Variants in SLC25A28 observed in about 807,000 individuals in gnomAD.
The protein encoded by SLC25A28 is solute carrier family 25 member 28, also known as mitoferrin-2.
A neutral mutation model predicts 31.9 loss-of-function variants in SLC25A28; 10 were observed. The observed-to-expected ratio is 0.31, with a 90% CI of 0.19 to 0.53. SLC25A28 has a LOEUF of 0.53. SLC25A28 is among the 20% of genes least tolerant of loss of function. The pLI is 0.95. For synonymous variants in SLC25A28, 208 were observed against 203.6 expected, an observed-to-expected ratio of 1.02 and a Z score of -0.19; for missense variants, 256 against 490.3, an observed-to-expected ratio of 0.52 and a Z score of 4.51.
chr10:99,618,262 G>A (rs953582282), intron 1 of SLC25A28: 11 of 980,700 alleles, frequency 1.1e-5, no homozygotes, highest in East Asian at 1.1e-4. Flanking sequence ...ATAACCTCCC[G>A]TTCTGTTATA....
upstream of SLC25A28, chr10:99,621,662 C>G (rs1347023282): frequency 6.6e-6 from 1 of 152,382 alleles, no homozygotes; most frequent in East Asian, 1.9e-4. Context: ...TTGCCTTCCC[C>G]GAGCGTGTTG....
At chr10:99,637,336 T>C in the SLC25A28 span, among the ~76,000 whole-genome samples, 10 of 152,172 alleles carry the variant, frequency 6.6e-5, no homozygotes, top group African/African-American at 2.2e-4. Context: ...AACATTATAC[T>C]GAATGGGGAA....
the SLC25A28 span, among the ~76,000 whole-genome samples, chr10:99,633,583 G>A: frequency 5.3e-5 from 8 of 150,524 alleles, no homozygotes; most frequent in Admixed American, 5.3e-4. Context: ...TGTAATCACA[G>A]CTACTTGGGA....
Position 99,620,099 on chromosome 10 carries a change from G to A in SLC25A28, c.237C>T (p.Gly79=). Residue 79 remains glycine (G), a synonymous_variant, in exon 1 of 4, where the codon GGC becomes GGT. Transcript: ENST00000370495. ...GATVTTHMVA[G]AVAGILEHCV... is the part of the protein sequence containing the mutation. ...AGTGCTCCAGGATCCCTGCCACGGC[G>A]CCTGCCACCATGTGCGTGGTGACAG... 1 of 1,580,518 alleles carries A rather than the reference G, an allele frequency of 6.3e-7. No homozygotes were observed. The highest frequency in any genetic ancestry group is 8.5e-7 in the Non-Finnish European group (1 of 1,170,852).
chr10:99,620,383 TGCC>T lies in SLC25A28; in HGVS notation c.-51_-49del, dbSNP rs1353379432. 9.8e-6 allele frequency: 9 copies of T among 919,720 alleles called. No individual in the cohort carries two copies. The East Asian group carries it at 1.1e-3, about 110-fold the overall frequency. The allele number at this position is 919,720 out of a possible 1,614,324, so 57.0% of individuals were successfully genotyped here. ...CCACCCCCGCCGCCGCTGCCACCAC[TGCC>T]GCCGCCGCCCCCCGGCCCCGTAGTG... On this transcript the variant is annotated 5_prime_UTR_variant, in exon 1 of 4. Transcript: ENST00000370495.
At position 99,613,747 on chromosome 10, in the gene SLC25A28, T is replaced by G; in HGVS notation, c.469A>C (p.Lys157Gln). Reference protein sequence around the residue: ...LYFACYEKLKKTLSDVIHPGG... With the variant: ...LYFACYEKLKQTLSDVIHPGG... Reference sequence around the variant, plus strand: ...GGGTGGATTACATCACTCAATGTCTTTTTTAACTTTTCGTAGCAGGCAAAA... The same window carrying G: ...GGGTGGATTACATCACTCAATGTCTGTTTTAACTTTTCGTAGCAGGCAAAA... Residue 157 changes from lysine (K) to glutamine (Q), a missense_variant, in exon 2 of 4, where the codon AAG becomes CAG. Physicochemically the swap from Lys to Gln is moderately conservative, Grantham distance 53 (BLOSUM62 1). Around this residue, in one of 4 missense-constraint regions of SLC25A28, gnomAD observed 158 missense variants for 379.1 expected, o/e 0.42. Transcript: ENST00000370495. This position sits in a 1 kb window ranked among gnomAD's most constrained non-coding sequence, Gnocchi z 4.9. 1 of 1,614,240 alleles carries G rather than the reference T, an allele frequency of 6.2e-7. No homozygotes were observed. The highest frequency in any genetic ancestry group is 1.1e-5 in the South Asian group (1 of 91,084).
the SLC25A28 span, among the ~76,000 whole-genome samples, chr10:99,646,009 A>C: frequency 0.41 from 61,836 of 152,106 alleles, 12,832 homozygotes; most frequent in East Asian, 0.6. Flanking sequence ...CTTGGAGGTC[A>C]GGGACCCACT....
Position 99,611,437 on chromosome 10 carries a change from G to A in SLC25A28, c.578-71C>T, listed in dbSNP as rs1179481594. 1 of 1,564,594 alleles carries A rather than the reference G, an allele frequency of 6.4e-7. No homozygotes were observed. The highest frequency in any genetic ancestry group is 2.2e-5 in the East Asian group (1 of 44,456). ...CGGTGATGGAGAGTATCCAGATTCAGAGCCCCAAGTCAGCAGATCAGCCAA... is the reference window on the plus strand; with the variant it reads ...CGGTGATGGAGAGTATCCAGATTCAAAGCCCCAAGTCAGCAGATCAGCCAA... On this transcript the variant is annotated intron_variant, in intron 3 of 3. Coordinates refer to ENST00000370495, the MANE Select transcript of SLC25A28 (RefSeq NM_031212.4). The surrounding 1 kb of genome is among the most constrained non-coding windows in gnomAD (Gnocchi z 5.5).
chr10:99,645,354 G>A, the SLC25A28 span, among the ~76,000 whole-genome samples: 1 of 152,146 alleles, frequency 6.6e-6, no homozygotes, highest in Non-Finnish European at 1.5e-5. Context: ...ATCAGCTACT[G>A]AAGATTGTGC....
the SLC25A28 span, among the ~76,000 whole-genome samples, chr10:99,640,162 C>T: frequency 6.6e-6 from 1 of 152,194 alleles, no homozygotes; most frequent in Non-Finnish European, 1.5e-5. Context: ...AGTTATCCAT[C>T]ACCGCATAAC....
chr10:99,629,035 G>A, the SLC25A28 span, among the ~76,000 whole-genome samples: 1 of 152,148 alleles, frequency 6.6e-6, no homozygotes, highest in Non-Finnish European at 1.5e-5. Flanking sequence ...GTATATGACT[G>A]CTATAATTTG....
At chr10:99,625,299 T>G (rs1365306844), upstream of SLC25A28, among the ~76,000 whole-genome samples, 1 of 152,048 alleles carries the variant, frequency 6.6e-6, no homozygotes, top group Non-Finnish European at 1.5e-5. Flanking sequence ...CCAGCTTTTA[T>G]TCCCTTATTT....
the SLC25A28 span, among the ~76,000 whole-genome samples, chr10:99,653,457 T>A: frequency 6.6e-6 from 1 of 152,178 alleles, no homozygotes; most frequent in East Asian, 1.9e-4. Context: ...GTTTGCAACC[T>A]CATGAGAAGA....
the SLC25A28 span, among the ~76,000 whole-genome samples, chr10:99,636,375 T>C: frequency 1.3e-5 from 2 of 152,278 alleles, no homozygotes; most frequent in African/African-American, 2.4e-5. Context: ...CGAATGAGCA[T>C]TGGGTCAAAA....
At chr10:99,651,523 T>C in the SLC25A28 span, among the ~76,000 whole-genome samples, 4 of 152,012 alleles carry the variant, frequency 2.6e-5, no homozygotes, top group Non-Finnish European at 5.9e-5. Context: ...TAACCCACTG[T>C]GTGGCTTATC....
the SLC25A28 span, among the ~76,000 whole-genome samples, chr10:99,648,751 G>A: frequency 3.4e-3 from 487 of 142,438 alleles, 3 homozygotes; most frequent in African/African-American, 0.012. Context: ...TCATCAGCTA[G>A]ATTGTTATTG....
At chr10:99,656,748 T>C in the SLC25A28 span, among the ~76,000 whole-genome samples, 1 of 152,242 alleles carries the variant, frequency 6.6e-6, no homozygotes, top group Non-Finnish European at 1.5e-5. Context: ...AATGTAATTG[T>C]AAGGCAAGCC....
At chr10:99,631,003 G>A in the SLC25A28 span, among the ~76,000 whole-genome samples, 6 of 152,258 alleles carry the variant, frequency 3.9e-5, no homozygotes, top group Non-Finnish European at 7.4e-5. Flanking sequence ...GGTAGTGGAA[G>A]GAGTAAGGGA....
chr10:99,619,789 T>C (rs762598792), intron 1 of SLC25A28, among the ~76,000 whole-genome samples: 1 of 152,244 alleles, frequency 6.6e-6, no homozygotes, highest in Non-Finnish European at 1.5e-5. Context: ...GTCCAGGGCT[T>C]TGGCTGACAG....
Sources: allele counts gnomAD v4.1 joint callset (sites outside exome capture counted in the v4.1 genomes callset), GRCh38; gene constraint gnomAD v4.1.1; regional missense constraint gnomAD v4.1.1; non-coding constraint Gnocchi (gnomAD v3.1); transcripts MANE v1.5; gene names NCBI Gene and HGNC (gene_info 2026-07-23, HGNC 2026-07-21).